The following CCDC172 variants were observed in gnomAD, a reference collection of about 807,000 sequenced individuals.
The protein encoded by CCDC172 is coiled-coil domain containing 172.
A neutral mutation model predicts 38.0 loss-of-function variants in CCDC172; 30 were observed. The observed-to-expected ratio is 0.79, with a 90% CI of 0.59 to 1.07. The LOEUF is 1.07. Ranked by LOEUF, CCDC172 falls within the 50% of genes least tolerant of loss-of-function variation. CCDC172 has a pLI of 0.00. For missense variants in CCDC172, 297 were observed against 290.1 expected (o/e 1.02, Z -0.17); for synonymous variants, 78 against 88.3 (o/e 0.88, Z 0.66).
chr10:116,325,335 A>G lies in CCDC172; in HGVS notation c.112A>G (p.Ile38Val), dbSNP rs148364249. Residue 38 changes from isoleucine to valine, a missense_variant, in exon 3 of 9, where the codon ATT (isoleucine) becomes GTT (valine). By Grantham distance (29) the Ile-to-Val change is conservative. Transcript: ENST00000333254. ...RSEITRCREK[I>V]KKATEELNEE... ...GGAAATAACCAGATGTCGTGAAAAAATTAAGAAAGCAACGGAGGAGCTGAA... is the reference window on the plus strand; with the variant it reads ...GGAAATAACCAGATGTCGTGAAAAAGTTAAGAAAGCAACGGAGGAGCTGAA... 116 of 1,613,948 alleles carry G rather than the reference A, an allele frequency of 7.2e-5. No individual in the cohort carries two copies. Among genetic ancestry groups the G allele is most frequent in the Non-Finnish European group, 9.4e-5 (111 of 1,179,972 alleles).
chr10:116,357,068 A>G (rs1845005890), intron 5 of CCDC172, among the ~76,000 whole-genome samples: 1 of 151,962 alleles, frequency 6.6e-6, no homozygotes, highest in Non-Finnish European at 1.5e-5. Flanking sequence ...CTTAAAATAG[A>G]TTTTTTGCAT....
At position 116,359,920 on chromosome 10, in the gene CCDC172, T is replaced by C. The variant is rs562467608; in HGVS notation, c.653+1982T>C. On this transcript the variant is annotated intron_variant, in intron 7 of 8. Coordinates refer to ENST00000333254, the MANE Select transcript of CCDC172 (RefSeq NM_198515.3). ...TTGGAATCTATCTTGATGTTATCCA[T>C]TACTGTAGAGAACCAGTGTTTCACA... Among the ~76,000 whole-genome samples the C allele has an allele frequency of 9.5e-4, 144 of 152,328 alleles. 1 individual carries two copies. The highest frequency in any genetic ancestry group is 3.3e-3 in the African/African-American group (136 of 41,582).
At chr10:116,347,372 G>A (rs945651084) in intron 5 of CCDC172, among the ~76,000 whole-genome samples, 1 of 152,130 alleles carries the variant, frequency 6.6e-6, no homozygotes, top group African/African-American at 2.4e-5. Flanking sequence ...AGCAATCAGA[G>A]GTCATTGGTG....
chr10:116,358,250 G>A (rs970112993), intron 7 of CCDC172, among the ~76,000 whole-genome samples: 8 of 151,970 alleles, frequency 5.3e-5, no homozygotes, highest in African/African-American at 1.2e-4. Context: ...AACTTTTGGC[G>A]GGAAATGATT....
chr10:116,325,826 C>A (rs996361130), intron 3 of CCDC172, among the ~76,000 whole-genome samples: 6 of 152,192 alleles, frequency 3.9e-5, no homozygotes, highest in Non-Finnish European at 7.3e-5. Context: ...TTTAGACATG[C>A]CTTGCGTCCG....
At chr10:116,375,583 A>G (rs891221135) in intron 7 of CCDC172, among the ~76,000 whole-genome samples, 1 of 151,874 alleles carries the variant, frequency 6.6e-6, no homozygotes, top group African/African-American at 2.4e-5. Flanking sequence ...GCTGAAAATC[A>G]TGGTTTCCAG....
intron 8 of CCDC172, 76 bp downstream of exon 8, chr10:116,378,586 C>A: frequency 9.1e-7 from 1 of 1,102,094 alleles, no homozygotes; most frequent in Admixed American, 2.2e-5. Flanking sequence ...TACTGGTGTA[C>A]AAATCACTGA....
At chr10:116,327,438 T>C (rs1844605869) in intron 3 of CCDC172, among the ~76,000 whole-genome samples, 1 of 152,142 alleles carries the variant, frequency 6.6e-6, no homozygotes, top group South Asian at 2.1e-4. Context: ...TGATATAATA[T>C]ATTTTTTAAT....
Position 116,342,221 on chromosome 10 carries a change from C to A in CCDC172, c.448+20C>A. 1 of 1,512,666 alleles carries A rather than the reference C, an allele frequency of 6.6e-7. No homozygotes were observed. The highest frequency in any genetic ancestry group is 1.3e-5 in the South Asian group (1 of 74,852). 93.7% of individuals were successfully genotyped at this position (1,512,666 alleles called of 1,614,324 possible). A position where few individuals can be genotyped will look rare whatever the true frequency, so the allele number is the denominator to read the frequency against. On this transcript the variant is annotated intron_variant, in intron 5 of 8. Coordinates refer to ENST00000333254, the MANE Select transcript of CCDC172 (RefSeq NM_198515.3). Reference sequence around the variant, plus strand: ...AAAGTGGTATGAATAAATATCACCTCATTTGTCTTGCATTAATGAAAATAA... The same window carrying A: ...AAAGTGGTATGAATAAATATCACCTAATTTGTCTTGCATTAATGAAAATAA...
rs2134923297 is a variant in CCDC172 at position 116,342,109 on chromosome 10, A to T, written c.356A>T (p.Tyr119Phe). The T allele has an allele frequency of 6.4e-7, 1 of 1,551,800 alleles. No individual in the cohort carries two copies. The highest frequency in any genetic ancestry group is 8.6e-7 in the Non-Finnish European group (1 of 1,157,114). The change falls in exon 5 of 9, where the codon TAT (tyrosine) becomes TTT (phenylalanine). Residue 119 changes from tyrosine (Y) to phenylalanine (F), a missense_variant. Tyr to Phe is a conservative substitution (Grantham distance 22). Transcript: ENST00000333254. ...GAAATTACAGACTTTAATAATGATT[A>T]TGAAATAACAAAGAAAAGAGAGCTT... is the stretch of plus-strand genomic sequence containing the variant. ...IKEITDFNND[Y>F]EITKKRELLM...
At chr10:116,370,911 T>A (rs1043459467) in intron 7 of CCDC172, among the ~76,000 whole-genome samples, 1 of 151,792 alleles carries the variant, frequency 6.6e-6, no homozygotes, top group Non-Finnish European at 1.5e-5. Flanking sequence ...CTTGTCACCT[T>A]ACTAAATTAT....
intron 5 of CCDC172, among the ~76,000 whole-genome samples, chr10:116,349,360 A>G (rs1426864988): frequency 6.6e-6 from 1 of 152,170 alleles, no homozygotes; most frequent in Non-Finnish European, 1.5e-5. Flanking sequence ...GTCTTCCACA[A>G]AAACAGTCCC....
chr10:116,361,127 GGCATGCACCGCCACGCCTGACTA>G (rs1845059573), intron 7 of CCDC172, among the ~76,000 whole-genome samples: 2 of 150,772 alleles, frequency 1.3e-5, no homozygotes, highest in Non-Finnish European at 3.0e-5. Context: ...AGGGATTACA[GGCATGCACCGCCACGCCTGACTA>G]ATTTTTGTAT....
At chr10:116,369,351 G>A (rs2134965942) in intron 7 of CCDC172, among the ~76,000 whole-genome samples, 1 of 152,052 alleles carries the variant, frequency 6.6e-6, no homozygotes, top group South Asian at 2.1e-4. Context: ...TTCACTCACT[G>A]CTGTAGGTTA....
At chr10:116,340,977 A>G in intron 4 of CCDC172, 127 bp downstream of exon 4, 1 of 680,354 alleles carries the variant, frequency 1.5e-6, no homozygotes, top group Non-Finnish European at 2.6e-6. Context: ...CAGATACAGG[A>G]AAGTATTAAG....
At chr10:116,379,224 G>T in intron 8 of CCDC172, 99 bp from the exon 9 acceptor site, 2 of 574,988 alleles carry the variant, frequency 3.5e-6, no homozygotes, top group Non-Finnish European at 5.8e-6. Context: ...ATTAAGAAAT[G>T]CCCAGAATTT....
At chr10:116,340,145 A>C (rs1695833546) in intron 3 of CCDC172, among the ~76,000 whole-genome samples, 1 of 151,894 alleles carries the variant, frequency 6.6e-6, no homozygotes, top group Admixed American at 6.6e-5. Context: ...GTCTAACATT[A>C]ATGTTTATTA....
intron 5 of CCDC172, among the ~76,000 whole-genome samples, chr10:116,350,990 A>G (rs985787384): frequency 1.3e-5 from 2 of 152,210 alleles, no homozygotes; most frequent in African/African-American, 2.4e-5. Flanking sequence ...TTTCTGTTCT[A>G]TAAGCCTGAT....
In CCDC172 at chr10:116,340,807, A is replaced by G. The variant is rs189853450; in HGVS notation, c.239A>G (p.Tyr80Cys). 6.9e-6 allele frequency: 11 copies of G among 1,604,206 alleles called. No individual in the cohort carries two copies. The East Asian group carries it at 2.0e-4, about 29-fold the overall frequency. The change falls in exon 4 of 9, where the codon TAC (tyrosine) becomes TGC (cysteine). Residue 80 changes from tyrosine to cysteine, a missense_variant. Transcript: ENST00000333254. ...KAHENALEKQ[Y>C]SEITNHRNML... is the part of the protein sequence containing the mutation. ...CATGAAAATGCTTTAGAAAAACAGT[A>G]CAGTGAAATTACAAACCATAGGAAT...
Sources: allele counts gnomAD v4.1 joint callset (sites outside exome capture counted in the v4.1 genomes callset), GRCh38; gene constraint gnomAD v4.1.1; transcripts MANE v1.5; gene names NCBI Gene and HGNC (gene_info 2026-07-23, HGNC 2026-07-21).